Variants in DTNB observed in about 807,000 individuals in gnomAD.
DTNB encodes dystrobrevin beta.
A neutral mutation model predicts 90.7 loss-of-function variants in DTNB; 63 were observed. That is an observed-to-expected ratio of 0.69 (90% confidence interval 0.57 to 0.86). DTNB has a LOEUF of 0.86. Among genes scored for constraint, DTNB ranks in the 40% least tolerant of loss-of-function variants. The pLI, the probability that DTNB is intolerant of heterozygous loss-of-function variation, is 0.00. For synonymous variants in DTNB, 277 were observed against 286.7 expected (o/e 0.97, Z 0.34); for missense variants, 744 against 807.1 (o/e 0.92, Z 0.95).
At chr2:25,416,098 C>T (rs58232883) in intron 16 of DTNB, among the ~76,000 whole-genome samples, 1 of 152,156 alleles carries the variant, frequency 6.6e-6, no homozygotes, top group Non-Finnish European at 1.5e-5. Flanking sequence ...GTGGGCTCTG[C>T]CCTAACTCCA....
At position 25,500,429 on chromosome 2, in the gene DTNB, C is replaced by G. The variant is rs554242696; in HGVS notation, c.1002-17556G>C. On this transcript the variant is annotated intron_variant, in intron 9 of 20. Coordinates refer to ENST00000406818, the MANE Select transcript of DTNB (RefSeq NM_021907.5). ...AACAGAGGCAGCAGCGCTCCTCATG[C>G]GTACTAAACACATCAGGCCAACTAC... 1.6e-3 allele frequency among the ~76,000 whole-genome samples: 241 copies of G among 152,286 alleles called. 5 individuals are homozygous for G. Among genetic ancestry groups the G allele is most frequent in the South Asian group, 1.4e-3 (7 of 4,830 alleles).
At chr2:25,406,287 T>C (rs1033425243) in intron 16 of DTNB, among the ~76,000 whole-genome samples, 9 of 152,096 alleles carry the variant, frequency 5.9e-5, no homozygotes, top group African/African-American at 1.9e-4. Flanking sequence ...TAGAGGCTAC[T>C]ACTGGTGCTT....
chr2:25,420,625 A>C (rs2149808965), intron 15 of DTNB, among the ~76,000 whole-genome samples: 1 of 152,218 alleles, frequency 6.6e-6, no homozygotes, highest in East Asian at 1.9e-4. Context: ...CTGGGATTAC[A>C]GGCATGTGTC....
intron 16 of DTNB, chr2:25,388,770 G>A (rs144661916): frequency 7.3e-5 from 13 of 179,212 alleles, no homozygotes; most frequent in Admixed American, 1.1e-4. Context: ...CCCTCCCCCC[G>A]CTGCTGCCGG....
At chr2:25,662,761 G>A (rs2083513425) in intron 1 of DTNB, among the ~76,000 whole-genome samples, 1 of 151,602 alleles carries the variant, frequency 6.6e-6, no homozygotes, top group Non-Finnish European at 1.5e-5. Flanking sequence ...TCAGAAAAGA[G>A]AGTATCTCTG....
chr2:25,529,317 G>A (rs758074072), intron 9 of DTNB, among the ~76,000 whole-genome samples: 9 of 152,026 alleles, frequency 5.9e-5, no homozygotes, highest in Non-Finnish European at 1.0e-4. Flanking sequence ...GAAAGCGAGC[G>A]GCTGGGGAAG....
At chr2:25,578,219 C>A (rs2061006111) in intron 7 of DTNB, among the ~76,000 whole-genome samples, 1 of 152,094 alleles carries the variant, frequency 6.6e-6, no homozygotes, top group African/African-American at 2.4e-5. Context: ...ATAGCATGAT[C>A]ACTAGGGACT....
In DTNB at chr2:25,540,556, C is replaced by T. The variant is rs539680962; in HGVS notation, c.877-8959G>A. Among the ~76,000 whole-genome samples, 4 of 151,934 alleles carry T rather than the reference C, an allele frequency of 2.6e-5. No homozygotes were observed. The South Asian group carries it at 8.3e-4, about 32-fold the overall frequency. ...CAACGCTCAATCATTTAAAAATGTA[C>T]AGTTCAGGGCCATGATGACAATGGC... On this transcript the variant is annotated intron_variant, in intron 8 of 20. Coordinates refer to ENST00000406818, the MANE Select transcript of DTNB (RefSeq NM_021907.5).
intron 8 of DTNB, among the ~76,000 whole-genome samples, chr2:25,556,622 A>T (rs2057401862): frequency 6.6e-6 from 1 of 152,230 alleles, no homozygotes; most frequent in Admixed American, 6.5e-5. Flanking sequence ...AAATAAGCAG[A>T]TTCTATGAAG....
At chr2:25,533,982 C>T (rs1026815158) in intron 8 of DTNB, among the ~76,000 whole-genome samples, 127 of 143,472 alleles carry the variant, frequency 8.9e-4, no homozygotes, top group Non-Finnish European at 1.6e-3. Flanking sequence ...TTTGGAAATG[C>T]AGCGTTTATT....
chr2:25,431,714 A>G (rs978451173), intron 14 of DTNB, among the ~76,000 whole-genome samples: 9 of 152,170 alleles, frequency 5.9e-5, no homozygotes, highest in African/African-American at 2.2e-4. Context: ...TTTTCTAGAT[A>G]TAAAACCAGG....
At chr2:25,457,426 G>A (rs2060218036) in intron 10 of DTNB, among the ~76,000 whole-genome samples, 1 of 152,064 alleles carries the variant, frequency 6.6e-6, no homozygotes, top group South Asian at 2.1e-4. Context: ...GGATGCTAGG[G>A]TGCCCACTGT....
intron 9 of DTNB, among the ~76,000 whole-genome samples, chr2:25,501,059 G>C (rs1401157231): frequency 6.6e-6 from 1 of 152,078 alleles, no homozygotes; most frequent in Non-Finnish European, 1.5e-5. Flanking sequence ...GGATAAAACA[G>C]CATCCATCAA....
At chr2:25,505,380 A>T (rs577185099) in intron 9 of DTNB, among the ~76,000 whole-genome samples, 6 of 152,196 alleles carry the variant, frequency 3.9e-5, no homozygotes, top group Non-Finnish European at 5.9e-5. Flanking sequence ...GCTGAACTTG[A>T]TGACGTGTTA....
chr2:25,474,518 T>C (rs1474949708), intron 10 of DTNB, among the ~76,000 whole-genome samples: 1 of 152,198 alleles, frequency 6.6e-6, no homozygotes, highest in East Asian at 1.9e-4. Context: ...TTTTCTTAGT[T>C]TCCCCCAACA....
chr2:25,458,415 A>T (rs1311614819), intron 10 of DTNB, among the ~76,000 whole-genome samples: 1 of 152,058 alleles, frequency 6.6e-6, no homozygotes, highest in Non-Finnish European at 1.5e-5. Context: ...AACAGTTAAA[A>T]AAAAAAAAAG....
intron 9 of DTNB, among the ~76,000 whole-genome samples, chr2:25,491,102 T>A (rs1441006958): frequency 1.3e-5 from 2 of 149,276 alleles, no homozygotes; most frequent in Admixed American, 6.7e-5. Flanking sequence ...TTTTTGTTAT[T>A]AAGAAAGCAA....
In DTNB at chr2:25,653,658, C is replaced by T. The variant is rs1308665203; in HGVS notation, c.-1-997G>A. On this transcript the variant is annotated intron_variant, in intron 1 of 20. Coordinates refer to ENST00000406818, the MANE Select transcript of DTNB (RefSeq NM_021907.5). ...TCCTGAGTAGCTGGGATTACAGGCA[C>T]GCACCACCACGCCTGGCTAATTTTT... Among the ~76,000 whole-genome samples, 10 of 151,566 alleles carry T rather than the reference C, an allele frequency of 6.6e-5. No individual in the cohort carries two copies. In the East Asian group the frequency reaches 1.2e-3, roughly 18 times the overall value.
At chr2:25,444,871 A>G (rs981986081) in intron 12 of DTNB, among the ~76,000 whole-genome samples, 4 of 152,246 alleles carry the variant, frequency 2.6e-5, no homozygotes, top group African/African-American at 9.6e-5. Context: ...GAGTTTCTGT[A>G]TAACAGAACT....
Sources: gnomAD v4.1 joint callset for allele counts (sites outside exome capture counted in the v4.1 genomes callset) on GRCh38, gnomAD v4.1.1 for gene constraint, MANE v1.5 for transcripts, NCBI Gene and HGNC (gene_info 2026-07-23, HGNC 2026-07-21) for gene names.